Variants in LARP4B observed in about 807,000 individuals in gnomAD.
The protein encoded by LARP4B is La ribonucleoprotein 4B, also known as la-related protein 4B.
Under a neutral mutation model 89.8 loss-of-function variants are expected in LARP4B, and 12 were observed. The observed-to-expected ratio is 0.13, with a 90% CI of 0.09 to 0.22. LARP4B has a LOEUF of 0.22. Among genes scored for constraint, LARP4B ranks in the 10% least tolerant of loss-of-function variants. LARP4B has a pLI of 1.00. For synonymous variants in LARP4B, 367 were observed against 363.3 expected (o/e 1.01, Z -0.12); for missense variants, 757 against 947.7 (o/e 0.80, Z 2.64).
At chr10:920,486 T>C (rs1277893509) in intron 1 of LARP4B, among the ~76,000 whole-genome samples, 1 of 152,214 alleles carries the variant, frequency 6.6e-6, no homozygotes, top group Non-Finnish European at 1.5e-5. Flanking sequence ...AATTAAGAAT[T>C]AATCAGGCCA....
At chr10:962,299 A>C in the LARP4B span, among the ~76,000 whole-genome samples, 1 of 117,506 alleles carries the variant, frequency 8.5e-6, no homozygotes, top group African/African-American at 4.0e-5. Flanking sequence ...CTCCATCTCC[A>C]AAAAAAAAAA....
At chr10:951,797 A>G in the LARP4B span, among the ~76,000 whole-genome samples, 1,860 of 132,392 alleles carry the variant, frequency 0.014, 33 homozygotes, top group African/African-American at 0.026. Flanking sequence ...CGAAGAAATC[A>G]CACCAGCCCA....
rs140726859 is a variant in LARP4B, at chr10:815,011, C to T, written c.1755G>A (p.Ser585=). Residue 585 remains serine (S), a synonymous_variant, in exon 16 of 18, where the codon TCG becomes TCA. Coordinates refer to ENST00000316157, the MANE Select transcript of LARP4B (RefSeq NM_015155.3). ...TLPVVVSREP[S]VPASCAVSAT... ...CTGATACAGCACAAGAAGCCGGCAC[C>T]GAGGGCTCTCTGGAGACCACTACAG... The T allele has an allele frequency of 2.9e-4, 468 of 1,609,172 alleles. 2 individuals are homozygous for T. The African/African-American group carries it at 5.4e-3, about 18-fold the overall frequency.
intron 1 of LARP4B, among the ~76,000 whole-genome samples, chr10:927,444 G>C (rs1224206594): frequency 2.0e-5 from 3 of 152,172 alleles, no homozygotes; most frequent in African/African-American, 7.2e-5. Flanking sequence ...TGAGAACCTA[G>C]CAGTTTTCTA....
At chr10:974,212 G>A in the LARP4B span, among the ~76,000 whole-genome samples, 472 of 152,224 alleles carry the variant, frequency 3.1e-3, 4 homozygotes, top group African/African-American at 0.01. Flanking sequence ...AGGAGGGGCA[G>A]TGGTCAAGGT....
At chr10:922,716 T>TAAATAACA (rs200190163) in intron 1 of LARP4B, among the ~76,000 whole-genome samples, 2 of 144,920 alleles carry the variant, frequency 1.4e-5, no homozygotes, top group Non-Finnish European at 3.1e-5. Flanking sequence ...AATAAATAAA[T>TAAATAACA]AACAAGTATC....
At chr10:937,231 C>T in the LARP4B span, among the ~76,000 whole-genome samples, 4 of 151,986 alleles carry the variant, frequency 2.6e-5, no homozygotes, top group South Asian at 4.2e-4. Context: ...TTTGTAGAGA[C>T]GAGGTTTCAT....
At chr10:933,918 A>C (rs1564453247), upstream of LARP4B, among the ~76,000 whole-genome samples, 1 of 150,928 alleles carries the variant, frequency 6.6e-6, no homozygotes, top group Non-Finnish European at 1.5e-5. Flanking sequence ...CTGCAACCTC[A>C]GTCTCCCGGG....
At chr10:988,268 C>A in the LARP4B span, 1 of 567,824 alleles carries the variant, frequency 1.8e-6, no homozygotes, top group Non-Finnish European at 3.2e-6. Context: ...TCTGTACCCT[C>A]GCTCCTGAGG....
chr10:906,203 T>C (rs1836488172), intron 1 of LARP4B, among the ~76,000 whole-genome samples: 1 of 152,228 alleles, frequency 6.6e-6, no homozygotes. Context: ...AGGAAAACCC[T>C]CTGAATAGTA....
At chr10:960,894 A>G in the LARP4B span, among the ~76,000 whole-genome samples, 2 of 152,250 alleles carry the variant, frequency 1.3e-5, no homozygotes, top group South Asian at 2.1e-4. Flanking sequence ...AAAAAGCACA[A>G]CAATGTGAAA....
chr10:867,609 C>T (rs1391758243), intron 3 of LARP4B, among the ~76,000 whole-genome samples: 1 of 151,996 alleles, frequency 6.6e-6, no homozygotes, highest in South Asian at 2.1e-4. Context: ...GCCTGCGATC[C>T]CAGCATGTTG....
chr10:936,736 CA>C (rs1429374360), upstream of LARP4B, among the ~76,000 whole-genome samples: 2 of 151,900 alleles, frequency 1.3e-5, no homozygotes, highest in African/African-American at 4.8e-5. Context: ...CAAAAAACAA[CA>C]AAAAACCAGA....
upstream of LARP4B, among the ~76,000 whole-genome samples, chr10:934,101 G>A (rs569493921): frequency 1.3e-5 from 2 of 151,830 alleles, no homozygotes; most frequent in African/African-American, 2.4e-5. Flanking sequence ...CTAAGTGCTG[G>A]GATTACAGGC....
the LARP4B span, among the ~76,000 whole-genome samples, chr10:950,587 A>G: frequency 6.6e-6 from 1 of 152,116 alleles, no homozygotes; most frequent in Non-Finnish European, 1.5e-5. Context: ...TCATTTTGGG[A>G]AAAATGATAT....
upstream of LARP4B, among the ~76,000 whole-genome samples, chr10:935,782 A>G (rs1309021877): frequency 1.4e-5 from 2 of 142,642 alleles, no homozygotes; most frequent in Non-Finnish European, 3.0e-5. Context: ...GCAGTGGCAC[A>G]ATCTTGGCTC....
intron 5 of LARP4B, 109 bp downstream of exon 5, chr10:863,634 A>T: frequency 8.3e-7 from 1 of 1,210,572 alleles, no homozygotes; most frequent in South Asian, 1.6e-5. Flanking sequence ...TAGAATTAAA[A>T]GCAGGCAAAG....
chr10:938,043 C>T, the LARP4B span, among the ~76,000 whole-genome samples: 1 of 151,376 alleles, frequency 6.6e-6, no homozygotes, highest in Non-Finnish European at 1.5e-5. Context: ...CACCACCACA[C>T]CTGGCTAACT....
At chr10:922,887 A>T (rs1837022946) in intron 1 of LARP4B, among the ~76,000 whole-genome samples, 1 of 152,128 alleles carries the variant, frequency 6.6e-6, no homozygotes, top group Non-Finnish European at 1.5e-5. Context: ...ATCCTGGCTA[A>T]CATGGTGAAA....
Sources: gnomAD v4.1 joint callset for allele counts (sites outside exome capture counted in the v4.1 genomes callset) on GRCh38, gnomAD v4.1.1 for gene constraint, MANE v1.5 for transcripts, NCBI Gene and HGNC (gene_info 2026-07-23, HGNC 2026-07-21) for gene names.